ROR2: variants seen among roughly 807,000 people sequenced by gnomAD.
The protein encoded by ROR2 is ROR family WNT receptor 2.
ROR2 carries 33 observed loss-of-function variants against 74.9 expected under a neutral mutation model. The ratio of observed to expected loss-of-function variants is 0.44; its 90% CI spans 0.33 to 0.59. The LOEUF is 0.59. ROR2 is among the 20% of genes least tolerant of loss of function. ROR2 has a pLI of 0.02. For missense variants in ROR2, 1,216 were observed against 1,313.8 expected, an observed-to-expected ratio of 0.93 and a Z score of 1.15; for synonymous variants, 586 against 558.7, an observed-to-expected ratio of 1.05 and a Z score of -0.69.
intron 1 of ROR2, among the ~76,000 whole-genome samples, chr9:91,855,168 A>G (rs10992135): frequency 0.4 from 60,705 of 152,086 alleles, 14,162 homozygotes; most frequent in African/African-American, 0.63. Flanking sequence ...CCCTTATCCC[A>G]CAGGACCCAC....
intron 1 of ROR2, among the ~76,000 whole-genome samples, chr9:91,857,059 C>T (rs551095635): frequency 1.5e-4 from 23 of 152,308 alleles, no homozygotes; most frequent in Admixed American, 1.4e-3. Flanking sequence ...CTAAAACAAC[C>T]CCTTCACCAG....
chr9:91,750,600 G>A (rs528778954), intron 4 of ROR2, among the ~76,000 whole-genome samples: 1 of 152,242 alleles, frequency 6.6e-6, no homozygotes, highest in African/African-American at 2.4e-5. Flanking sequence ...TAGGAAAAAC[G>A]TGACACTAAG....
chr9:91,852,893 C>T (rs1402781611), intron 1 of ROR2, among the ~76,000 whole-genome samples: 2 of 152,246 alleles, frequency 1.3e-5, no homozygotes, highest in Non-Finnish European at 2.9e-5. Context: ...CAGGCCTCTG[C>T]CACCGGACAC....
intron 1 of ROR2, among the ~76,000 whole-genome samples, chr9:91,930,853 T>G (rs79005820): frequency 0.045 from 6,831 of 152,318 alleles, 224 homozygotes; most frequent in Non-Finnish European, 0.061. Flanking sequence ...ATTTGCAGAC[T>G]GAAGACCTAA....
intron 1 of ROR2, among the ~76,000 whole-genome samples, chr9:91,875,293 A>G (rs1829925191): frequency 6.6e-6 from 1 of 152,258 alleles, no homozygotes; most frequent in Non-Finnish European, 1.5e-5. Context: ...AGTAACAAAC[A>G]TCTGGTAATA....
intron 1 of ROR2, among the ~76,000 whole-genome samples, chr9:91,941,646 G>A (rs530018612): frequency 1.1e-4 from 17 of 152,306 alleles, no homozygotes; most frequent in Non-Finnish European, 2.1e-4. Flanking sequence ...CTCCAGCACA[G>A]GGTCAGGGCC....
chr9:91,833,373 T>C (rs935465152), intron 1 of ROR2, among the ~76,000 whole-genome samples: 1 of 152,166 alleles, frequency 6.6e-6, no homozygotes, highest in Non-Finnish European at 1.5e-5. Context: ...GCACTGTGCC[T>C]GTATCGTGAC....
At chr9:91,725,138 TCACTGTCACCG>T in intron 8 of ROR2, 31 bp from the exon 9 acceptor site, 1 of 1,611,270 alleles carries the variant, frequency 6.2e-7, no homozygotes, top group South Asian at 1.1e-5. Flanking sequence ...ACGTGAAACA[TCACTGTCACCG>T]CAGCCCTGGA....
intron 2 of ROR2, among the ~76,000 whole-genome samples, chr9:91,765,618 C>T (rs1826036044): frequency 6.6e-6 from 1 of 152,204 alleles, no homozygotes; most frequent in African/African-American, 2.4e-5. Context: ...CTGTGTTTCC[C>T]ATCTGGAGCC....
intron 1 of ROR2, among the ~76,000 whole-genome samples, chr9:91,945,786 A>G (rs1235841738): frequency 6.6e-6 from 1 of 152,250 alleles, no homozygotes; most frequent in African/African-American, 2.4e-5. Flanking sequence ...CTCTACGAAT[A>G]TGATTTTAAA....
chr9:91,787,505 AAAATAAAT>A (rs957658080), intron 1 of ROR2, among the ~76,000 whole-genome samples: 12 of 152,272 alleles, frequency 7.9e-5, no homozygotes, highest in African/African-American at 2.9e-4. Flanking sequence ...ACTCTGTCTC[AAAATAAAT>A]AAATAAATAA....
intron 2 of ROR2, among the ~76,000 whole-genome samples, chr9:91,763,338 G>A (rs145729878): frequency 7.8e-4 from 119 of 152,168 alleles, no homozygotes; most frequent in African/African-American, 2.7e-3. Flanking sequence ...AAGTTGGAAG[G>A]GGAAAAAAGT....
chr9:91,856,959 G>A (rs1310581616), intron 1 of ROR2, among the ~76,000 whole-genome samples: 1 of 152,224 alleles, frequency 6.6e-6, no homozygotes, highest in Non-Finnish European at 1.5e-5. Flanking sequence ...ACTCACTTGA[G>A]GTCACCCTAC....
At chr9:91,850,942 A>G (rs1366233841) in intron 1 of ROR2, among the ~76,000 whole-genome samples, 1 of 152,202 alleles carries the variant, frequency 6.6e-6, no homozygotes, top group Non-Finnish European at 1.5e-5. Context: ...GTATTAAAAC[A>G]GATGTCTAAT....
chr9:91,918,277 A>G (rs1412070665), intron 1 of ROR2, among the ~76,000 whole-genome samples: 2 of 151,580 alleles, frequency 1.3e-5, no homozygotes, highest in South Asian at 2.1e-4. Flanking sequence ...AAAAAAAAAA[A>G]AAGAAGTTGT....
At chr9:91,859,668 C>T (rs1390853758) in intron 1 of ROR2, among the ~76,000 whole-genome samples, 1 of 151,978 alleles carries the variant, frequency 6.6e-6, no homozygotes, top group East Asian at 2.0e-4. Flanking sequence ...ACTGAAAAGA[C>T]GAAAAAATTA....
chr9:91,841,174 G>A (rs1828771249), intron 1 of ROR2, among the ~76,000 whole-genome samples: 1 of 152,192 alleles, frequency 6.6e-6, no homozygotes, highest in Non-Finnish European at 1.5e-5. Context: ...ACAAAGCACA[G>A]AATACAGAGG....
chr9:91,935,956 C>G (rs960517951), intron 1 of ROR2, among the ~76,000 whole-genome samples: 1 of 152,220 alleles, frequency 6.6e-6, no homozygotes, highest in African/African-American at 2.4e-5. Flanking sequence ...GGTGAACACA[C>G]AGACCGCAGC....
At chr9:91,776,440 T>C (rs1045133769) in intron 1 of ROR2, among the ~76,000 whole-genome samples, 1 of 152,180 alleles carries the variant, frequency 6.6e-6, no homozygotes, top group African/African-American at 2.4e-5. Context: ...TGACCAGCCA[T>C]TTAGAAGAAA....
Sources: allele counts gnomAD v4.1 joint callset (sites outside exome capture counted in the v4.1 genomes callset), GRCh38; gene constraint gnomAD v4.1.1; transcripts MANE v1.5; gene names NCBI Gene and HGNC (gene_info 2026-07-23, HGNC 2026-07-21).